The following MGST1 variants were observed in gnomAD, a reference collection of about 807,000 sequenced individuals.
The protein encoded by MGST1 is glutathione S-transferase 12.
MGST1 carries 5 observed loss-of-function variants against 8.9 expected under a neutral mutation model. That is an observed-to-expected ratio of 0.56 (90% CI 0.29 to 1.19). The LOEUF is 1.19. Among genes scored for constraint, MGST1 ranks in the 50% most tolerant of loss-of-function variants. The pLI is 0.08. For missense variants in MGST1, 182 were observed against 187.4 expected, an observed-to-expected ratio of 0.97 and a Z score of 0.17; for synonymous variants, 54 against 67.8, an observed-to-expected ratio of 0.80 and a Z score of 1.00.
At chr12:16,523,572 TA>T (rs1262329546) in intron 4 of MGST1, among the ~76,000 whole-genome samples, 2 of 148,988 alleles carry the variant, frequency 1.3e-5, no homozygotes, top group Admixed American at 6.7e-5. Context: ...TTCTGGTACT[TA>T]AAAAAAATGC....
At chr12:16,532,480 T>C (rs1034589188) in intron 4 of MGST1, among the ~76,000 whole-genome samples, 2 of 152,064 alleles carry the variant, frequency 1.3e-5, no homozygotes, top group African/African-American at 2.4e-5. Flanking sequence ...AGCTATAGGG[T>C]TTAATTTTAG....
chr12:16,527,169 G>T (rs1941692850), intron 4 of MGST1, among the ~76,000 whole-genome samples: 1 of 151,876 alleles, frequency 6.6e-6, no homozygotes, highest in African/African-American at 2.4e-5. Context: ...CAGCCATTCT[G>T]CAACATGAAT....
intron 1 of MGST1, among the ~76,000 whole-genome samples, chr12:16,404,366 A>G (rs1248506111): frequency 6.6e-6 from 1 of 152,056 alleles, no homozygotes; most frequent in Non-Finnish European, 1.5e-5. Context: ...ATATAATTAG[A>G]TTCTTTTTAA....
intron 4 of MGST1, among the ~76,000 whole-genome samples, chr12:16,493,895 T>TAATTTC (rs1330370830): frequency 6.6e-6 from 1 of 152,192 alleles, no homozygotes; most frequent in Non-Finnish European, 1.5e-5. Context: ...TGCTTAATTT[T>TAATTTC]AATTTCAATA....
At chr12:16,563,535 CTCT>C (rs1413992097) in intron 4 of MGST1, among the ~76,000 whole-genome samples, 1 of 151,986 alleles carries the variant, frequency 6.6e-6, no homozygotes, top group East Asian at 1.9e-4. Flanking sequence ...TAAAAACAGT[CTCT>C]TAACTATCTA....
In MGST1 at chr12:16,363,647, C is replaced by A; in HGVS notation, c.222-148C>A. The A allele has an allele frequency of 1.6e-6, 1 of 616,260 alleles. No individual in the cohort carries two copies. Among genetic ancestry groups the A allele is most frequent in the Non-Finnish European group, 2.5e-6 (1 of 399,472 alleles). 38.2% of individuals were successfully genotyped at this position (616,260 alleles called of 1,614,324 possible). A position where few individuals can be genotyped will look rare whatever the true frequency, so the allele number is the denominator to read the frequency against. ...AATAAAAGTCAAGTGGGCAAGGAAGCAAGACAATTTGAGAGAAAAAAAATA... is the reference window on the plus strand; with the variant it reads ...AATAAAAGTCAAGTGGGCAAGGAAGAAAGACAATTTGAGAGAAAAAAAATA... On this transcript the variant is annotated intron_variant, in intron 3 of 3. Coordinates refer to ENST00000396210, the MANE Select transcript of MGST1 (RefSeq NM_020300.5). The surrounding 1 kb of genome is among the most constrained non-coding windows in gnomAD (Gnocchi z 4.6).
At chr12:16,429,960 G>C (rs1445369661) in intron 1 of MGST1, among the ~76,000 whole-genome samples, 2 of 152,156 alleles carry the variant, frequency 1.3e-5, no homozygotes, top group Non-Finnish European at 2.9e-5. Flanking sequence ...TTTACCTGCA[G>C]TAGAACTTTA....
chr12:16,536,543 C>T (rs1299255071), intron 4 of MGST1, among the ~76,000 whole-genome samples: 1 of 152,070 alleles, frequency 6.6e-6, no homozygotes, highest in Non-Finnish European at 1.5e-5. Context: ...AAAAAGGCAA[C>T]CTTGAAATGA....
chr12:16,511,470 T>C (rs1941577204), intron 4 of MGST1, among the ~76,000 whole-genome samples: 1 of 152,240 alleles, frequency 6.6e-6, no homozygotes, highest in Non-Finnish European at 1.5e-5. Flanking sequence ...TGGCAATAAT[T>C]GGTGAGTGCT....
At position 16,531,996 on chromosome 12, in the gene MGST1, C is replaced by T. The variant is rs1941726534; in HGVS notation, n.483-57532C>T. Among the ~76,000 whole-genome samples the T allele has an allele frequency of 3.3e-5, 5 of 152,102 alleles. No individual in the cohort carries two copies. In the South Asian group the frequency reaches 8.3e-4, roughly 25 times the overall value. On this transcript the variant is annotated intron_variant and non_coding_transcript_variant, in intron 4 of 4. Transcript: ENST00000538857. Reference sequence around the variant, plus strand: ...AAATTGAAAGCAGCCCTTGGCATCTCCTATGTGTCTGTCAATGAGTCTAGG... The same window carrying T: ...AAATTGAAAGCAGCCCTTGGCATCTTCTATGTGTCTGTCAATGAGTCTAGG...
At position 16,575,266 on chromosome 12, in the gene MGST1, A is replaced by C. The variant is rs142914967; in HGVS notation, n.483-14262A>C. 1.4e-3 allele frequency among the ~76,000 whole-genome samples: 212 copies of C among 152,318 alleles called. 2 individuals are homozygous for C. Among genetic ancestry groups the C allele is most frequent in the African/African-American group, 4.8e-3 (198 of 41,564 alleles). ...ATGGAAGCTTTGTTTATCTTCAAAAATATAGGCATAAGGTCAATTTCCACA... is the reference window on the plus strand; with the variant it reads ...ATGGAAGCTTTGTTTATCTTCAAAACTATAGGCATAAGGTCAATTTCCACA... On this transcript the variant is annotated intron_variant and non_coding_transcript_variant, in intron 4 of 4. Transcript: ENST00000538857.
downstream of MGST1, among the ~76,000 whole-genome samples, chr12:16,440,745 T>C (rs1018145772): frequency 1.3e-5 from 2 of 151,874 alleles, no homozygotes; most frequent in African/African-American, 4.8e-5. Flanking sequence ...TATATTATTT[T>C]TTCTTAAGTG....
chr12:16,443,707 A>G (rs992218860), downstream of MGST1, among the ~76,000 whole-genome samples: 9 of 151,892 alleles, frequency 5.9e-5, no homozygotes, highest in Admixed American at 1.3e-4. Context: ...CCAAAATGTT[A>G]CTATTGTGGC....
rs1029198117 is a variant in MGST1 at position 16,546,922 on chromosome 12, A to G, written n.483-42606A>G. On this transcript the variant is annotated intron_variant and non_coding_transcript_variant, in intron 4 of 4. Transcript: ENST00000538857. The surrounding 1 kb of genome is among the most constrained non-coding windows in gnomAD (Gnocchi z 4.7). Reference sequence around the variant, plus strand: ...GATCATGCATATTTTAGTCTTCAGGAAAAGTTACTGAAATTAAATCGTGTG... The same window carrying G: ...GATCATGCATATTTTAGTCTTCAGGGAAAGTTACTGAAATTAAATCGTGTG... 5.3e-5 allele frequency among the ~76,000 whole-genome samples: 8 copies of G among 152,276 alleles called. No homozygotes were observed. The South Asian group carries it at 1.7e-3, about 32-fold the overall frequency.
At chr12:16,453,891 A>G (rs910438251) in intron 4 of MGST1, among the ~76,000 whole-genome samples, 3 of 151,946 alleles carry the variant, frequency 2.0e-5, no homozygotes, top group Admixed American at 1.3e-4. Flanking sequence ...TCTTAATACT[A>G]TATCTGCAAC....
intron 4 of MGST1, among the ~76,000 whole-genome samples, chr12:16,475,221 A>T (rs1448896826): frequency 1.3e-5 from 2 of 152,230 alleles, no homozygotes; most frequent in African/African-American, 2.4e-5. Context: ...TGAATGTTAA[A>T]TAATGTTAAT....
In MGST1 at chr12:16,361,044, T is replaced by C. The variant is rs1398205566; in HGVS notation, c.222-2751T>C. Among the ~76,000 whole-genome samples the C allele has an allele frequency of 7.4e-6, 1 of 134,422 alleles. No individual in the cohort carries two copies. Among genetic ancestry groups the C allele is most frequent in the African/African-American group, 2.8e-5 (1 of 35,446 alleles). The allele number at this position is 134,422 out of a possible 152,430, so 88.2% of individuals were successfully genotyped here. A position where few individuals can be genotyped will look rare whatever the true frequency, so the allele number is the denominator to read the frequency against. Reference sequence around the variant, plus strand: ...GGAATGGGAGAATGATATGAAGCCATGTTCCATTAGTTCCATGGAATATTT... The same window carrying C: ...GGAATGGGAGAATGATATGAAGCCACGTTCCATTAGTTCCATGGAATATTT... On this transcript the variant is annotated intron_variant, in intron 3 of 3. Coordinates refer to ENST00000396210, the MANE Select transcript of MGST1 (RefSeq NM_020300.5). The surrounding 1 kb of genome is among the most constrained non-coding windows in gnomAD (Gnocchi z 4.2).
intron 1 of MGST1, among the ~76,000 whole-genome samples, chr12:16,390,407 A>C (rs1395818405): frequency 6.6e-6 from 1 of 152,188 alleles, no homozygotes; most frequent in Non-Finnish European, 1.5e-5. Flanking sequence ...CACTAAGCCT[A>C]GTATCCAATA....
intron 4 of MGST1, among the ~76,000 whole-genome samples, chr12:16,487,091 G>A (rs1941403710): frequency 6.6e-6 from 1 of 152,134 alleles, no homozygotes; most frequent in Non-Finnish European, 1.5e-5. Flanking sequence ...CCTGTGTGCT[G>A]CTCTAGAATC....
Sources: gnomAD v4.1 joint callset for allele counts (sites outside exome capture counted in the v4.1 genomes callset) on GRCh38, gnomAD v4.1.1 for gene constraint, Gnocchi (gnomAD v3.1) non-coding constraint, MANE v1.5 for transcripts, NCBI Gene and HGNC (gene_info 2026-07-23, HGNC 2026-07-21) for gene names.